Variants in ADSL observed in about 807,000 individuals in gnomAD.
ADSL encodes adenylosuccinase.
A neutral mutation model predicts 62.1 loss-of-function variants in ADSL; 44 were observed. That is an observed-to-expected ratio of 0.71 (90% CI 0.56 to 0.91). The LOEUF is 0.91. Ranked by LOEUF, ADSL falls within the 40% of genes least tolerant of loss-of-function variation. The probability of loss-of-function intolerance (pLI) is 0.00; values close to 1 mark genes in which losing one functional copy is unlikely to be tolerated. For missense variants in ADSL, 531 were observed against 627.4 expected, an observed-to-expected ratio of 0.85 and a Z score of 1.64; for synonymous variants, 198 against 220.5, an observed-to-expected ratio of 0.90 and a Z score of 0.90.
intron 2 of ADSL, among the ~76,000 whole-genome samples, chr22:40,351,109 C>G (rs904664788): frequency 6.6e-6 from 1 of 152,146 alleles, no homozygotes; most frequent in Non-Finnish European, 1.5e-5. Flanking sequence ...ATTCTCCCAC[C>G]TCGGGCTCCT....
chr22:40,346,680 A>AGCTGTG lies in ADSL; in HGVS notation c.133_138dup (p.Trp45_Leu46dup), dbSNP rs965286829. 1.2e-6 allele frequency: 2 copies of AGCTGTG among 1,612,494 alleles called. No individual in the cohort carries two copies. Among genetic ancestry groups the AGCTGTG allele is most frequent in the Non-Finnish European group, 1.7e-6 (2 of 1,179,646 alleles). On this transcript the variant is annotated inframe_insertion, in exon 1 of 13. Transcript: ENST00000623063. ...AGGTATAAATTCCGGACATGGCGGCAGCTGTGGCTGTGGCTGGCGGAGGCC... is the reference window on the plus strand; with the variant it reads ...AGGTATAAATTCCGGACATGGCGGCAGCTGTGGCTGTGGCTGTGGCTGGCGGAGGCC...
intron 4 of ADSL, among the ~76,000 whole-genome samples, chr22:40,357,623 T>C (rs374232142): frequency 1.3e-5 from 2 of 152,334 alleles, no homozygotes; most frequent in East Asian, 3.9e-4. Flanking sequence ...ATGTGTGTTG[T>C]GTAGCTGTTC....
In ADSL at chr22:40,368,937, G is replaced by T. The variant is rs75437643; in HGVS notation, c.*2415G>T. Reference sequence around the variant, plus strand: ...AGACTCCATCTGAAAAAACAAAACAGAAAAAATCTTGAAAGGATACTAAGT... The same window carrying T: ...AGACTCCATCTGAAAAAACAAAACATAAAAAATCTTGAAAGGATACTAAGT... On this transcript the variant is annotated 3_prime_UTR_variant, in exon 13 of 13. Transcript: ENST00000623063. The T allele has an allele frequency of 6.6e-6, 1 of 151,990 alleles. No homozygotes were observed. The highest frequency in any genetic ancestry group is 6.6e-5 in the Admixed American group (1 of 15,238). 9.4% of individuals were successfully genotyped at this position (151,990 alleles called of 1,614,324 possible). A position where few individuals can be genotyped will look rare whatever the true frequency, so the allele number is the denominator to read the frequency against.
intron 3 of ADSL, 25 bp from the exon 4 acceptor site, chr22:40,354,219 CTCTT>C: frequency 3.1e-6 from 5 of 1,601,076 alleles, no homozygotes; most frequent in African/African-American, 1.3e-5. Flanking sequence ...TGAATTCAAC[CTCTT>C]TCTATCACAT....
At chr22:40,378,604 A>G (rs2146776987) in intron 2 of ADSL, among the ~76,000 whole-genome samples, 1 of 151,910 alleles carries the variant, frequency 6.6e-6, no homozygotes. Flanking sequence ...GTGGTGGCGC[A>G]TGCCTGTAAT....
intron 4 of ADSL, among the ~76,000 whole-genome samples, chr22:40,357,193 G>T (rs2044596365): frequency 6.6e-6 from 1 of 150,482 alleles, no homozygotes; most frequent in South Asian, 2.1e-4. Context: ...ACCGCACCTG[G>T]CCTCGTAATT....
chr22:40,355,461 A>G (rs2044518916), intron 4 of ADSL, among the ~76,000 whole-genome samples: 1 of 152,142 alleles, frequency 6.6e-6, no homozygotes, highest in South Asian at 2.1e-4. Context: ...CCCGGCCTAG[A>G]CATTTCATAT....
intron 1 of ADSL, chr22:40,348,264 A>G: frequency 2.5e-6 from 1 of 396,670 alleles, no homozygotes; most frequent in East Asian, 3.6e-5. Flanking sequence ...TTGCTTTGGA[A>G]GGAGCCCAGA....
chr22:40,371,611 T>C, downstream of ADSL, among the ~76,000 whole-genome samples: 1 of 152,362 alleles, frequency 6.6e-6, no homozygotes, highest in Non-Finnish European at 1.5e-5. Flanking sequence ...GTTCCAATTA[T>C]CTCTGCACTC....
At chr22:40,361,744 G>T in intron 9 of ADSL, 109 bp downstream of exon 9, 1 of 1,439,280 alleles carries the variant, frequency 6.9e-7, no homozygotes, top group East Asian at 2.3e-5. Flanking sequence ...TTATCCCCAA[G>T]GATCCCAGAG....
Position 40,346,514 on chromosome 22 carries a change from G to T in ADSL, c.-45G>T. On this transcript the variant is annotated 5_prime_UTR_variant, in exon 1 of 13. Transcript: ENST00000623063. ...CCCTGGCCTCCAGGTTTCCGCTTCC[G>T]CTCTTCCCTGGTCCAGTCCACCCTG... 6.4e-7 allele frequency: 1 copy of T among 1,572,820 alleles called. No homozygotes were observed. Among genetic ancestry groups the T allele is most frequent in the Non-Finnish European group, 8.6e-7 (1 of 1,163,476 alleles).
At position 40,361,639 on chromosome 22, in the gene ADSL, A is replaced by C; in HGVS notation, c.1010+4A>C. ...CACTGGATGATAGTGCCAACCGGTC[A>C]GTGGCACAGGGACATCACATACACC... On this transcript the variant is annotated splice_donor_region_variant and intron_variant, in intron 9 of 12. Coordinates refer to ENST00000623063, the MANE Select transcript of ADSL (RefSeq NM_000026.4). The C allele has an allele frequency of 6.2e-7, 1 of 1,612,802 alleles. No homozygotes were observed. The highest frequency in any genetic ancestry group is 8.5e-7 in the Non-Finnish European group (1 of 1,180,036).
chr22:40,357,065 T>C (rs2044589642), intron 4 of ADSL, among the ~76,000 whole-genome samples: 1 of 151,838 alleles, frequency 6.6e-6, no homozygotes, highest in East Asian at 1.9e-4. Context: ...TTGGCCAGTT[T>C]TTGTATTTTT....
chr22:40,369,926 T>A (rs1017610839), downstream of ADSL, among the ~76,000 whole-genome samples: 1 of 152,174 alleles, frequency 6.6e-6, no homozygotes, highest in Non-Finnish European at 1.5e-5. Context: ...TAAACACAGC[T>A]TTAGTGGAAG....
rs36099663 is a variant in ADSL at position 40,364,699 on chromosome 22, C to A, written c.1192-181C>A. On this transcript the variant is annotated intron_variant, in intron 11 of 12. Coordinates refer to ENST00000623063, the MANE Select transcript of ADSL (RefSeq NM_000026.4). ...GGTGGGCATCCATTTCAGGCTTGTCCTAAGATGTGGGCAGAGAGTTGAGAA... is the reference window on the plus strand; with the variant it reads ...GGTGGGCATCCATTTCAGGCTTGTCATAAGATGTGGGCAGAGAGTTGAGAA... 6.0e-3 allele frequency: 4,163 copies of A among 693,248 alleles called. 17 individuals are homozygous for A. The highest frequency in any genetic ancestry group is 8.2e-3 in the Non-Finnish European group (3,245 of 396,428). 42.9% of individuals were successfully genotyped at this position (693,248 alleles called of 1,614,324 possible). A position where few individuals can be genotyped will look rare whatever the true frequency, so the allele number is the denominator to read the frequency against.
intron 2 of ADSL, among the ~76,000 whole-genome samples, chr22:40,386,421 C>G (rs138720290): frequency 1.5e-3 from 225 of 152,230 alleles, no homozygotes; most frequent in African/African-American, 5.0e-3. Flanking sequence ...TGATGCTGAT[C>G]TGAATGTAAT....
intron 3 of ADSL, 81 bp downstream of exon 3, chr22:40,353,198 C>G: frequency 1.7e-6 from 2 of 1,142,874 alleles, no homozygotes; most frequent in South Asian, 2.5e-5. Context: ...TAAATCAACA[C>G]AGTGTAAATT....
chr22:40,366,770 T>G lies in ADSL; in HGVS notation c.*248T>G. 2.2e-6 allele frequency: 1 copy of G among 449,976 alleles called. No homozygotes were observed. The highest frequency in any genetic ancestry group is 4.1e-6 in the Non-Finnish European group (1 of 243,322). 27.9% of individuals were successfully genotyped at this position (449,976 alleles called of 1,614,324 possible). On this transcript the variant is annotated 3_prime_UTR_variant, in exon 13 of 13. Coordinates refer to ENST00000623063, the MANE Select transcript of ADSL (RefSeq NM_000026.4). ...TTGATCTCTGTTCTTTCAAGGCATA[T>G]TTTCCAGCTGCCTCAAGTTTAGTCC...
intron 6 of ADSL, among the ~76,000 whole-genome samples, 170 bp downstream of exon 6, chr22:40,359,476 C>CTTTTTTTTT (rs56719087): frequency 4.6e-5 from 2 of 43,870 alleles, no homozygotes; most frequent in South Asian, 9.1e-4. Context: ...TATCTGGATT[C>CTTTTTTTTT]TTTTTTTTTT....
Sources: gnomAD v4.1 joint callset for allele counts (sites outside exome capture counted in the v4.1 genomes callset) on GRCh38, gnomAD v4.1.1 for gene constraint, MANE v1.5 for transcripts, NCBI Gene and HGNC (gene_info 2026-07-23, HGNC 2026-07-21) for gene names.